Variants in PAG1 observed in about 807,000 individuals in gnomAD.
PAG1 encodes the protein phosphoprotein membrane anchor with glycosphingolipid microdomains 1.
Under a neutral mutation model 31.7 loss-of-function variants are expected in PAG1, and 23 were observed. That is an observed-to-expected ratio of 0.73 (90% CI 0.52 to 1.03). The LOEUF (loss-of-function observed/expected upper bound fraction) is 1.03, where lower values mean the gene tolerates loss of function less well. PAG1 is among the 50% of genes least tolerant of loss of function. PAG1 has a pLI of 0.00. For synonymous variants in PAG1, 214 were observed against 210.3 expected, an observed-to-expected ratio of 1.02 and a Z score of -0.15; for missense variants, 473 against 540.7, an observed-to-expected ratio of 0.87 and a Z score of 1.24.
chr8:81,109,904 G>A (rs1809748340), intron 1 of PAG1, among the ~76,000 whole-genome samples: 1 of 152,112 alleles, frequency 6.6e-6, no homozygotes, highest in Non-Finnish European at 1.5e-5. Flanking sequence ...GCTGCAATAG[G>A]GCTTAATGGG....
intron 3 of PAG1, among the ~76,000 whole-genome samples, chr8:81,023,619 GA>G (rs892629413): frequency 5.9e-5 from 9 of 151,408 alleles, no homozygotes; most frequent in African/African-American, 1.2e-4. Flanking sequence ...GAAAGAGAGA[GA>G]AAAAAAGGGA....
chr8:81,104,072 TC>T (rs201840581), intron 1 of PAG1, among the ~76,000 whole-genome samples: 2,132 of 147,932 alleles, frequency 0.014, 50 homozygotes, highest in African/African-American at 0.049. Flanking sequence ...TTTTATTTCT[TC>T]CCCCCATCCC....
chr8:81,074,051 A>T (rs1033438408), intron 1 of PAG1, among the ~76,000 whole-genome samples: 1 of 152,196 alleles, frequency 6.6e-6, no homozygotes, highest in African/African-American at 2.4e-5. Flanking sequence ...ACGTGCAGAC[A>T]TGTGGGCAGA....
chr8:80,979,108 A>G (rs1466215107), intron 8 of PAG1, among the ~76,000 whole-genome samples: 6 of 152,370 alleles, frequency 3.9e-5, no homozygotes, highest in African/African-American at 1.4e-4. Context: ...CCTAAAATGA[A>G]TGTCTGTGAG....
chr8:81,092,692 C>T (rs534314438), intron 1 of PAG1, among the ~76,000 whole-genome samples: 8 of 152,304 alleles, frequency 5.3e-5, no homozygotes, highest in African/African-American at 1.7e-4. Flanking sequence ...CTTTTCTCCA[C>T]CTCATATAGA....
At chr8:81,013,682 C>T (rs1049451014) in intron 3 of PAG1, among the ~76,000 whole-genome samples, 3 of 152,156 alleles carry the variant, frequency 2.0e-5, no homozygotes, top group South Asian at 4.1e-4. Context: ...CGGGCTCAAG[C>T]GATTCTCCTG....
At chr8:81,003,553 C>T (rs1807824279) in intron 3 of PAG1, among the ~76,000 whole-genome samples, 1 of 152,182 alleles carries the variant, frequency 6.6e-6, no homozygotes, top group Non-Finnish European at 1.5e-5. Flanking sequence ...TGATCGGGTA[C>T]ATTGCTGCTA....
chr8:81,042,134 G>C lies in PAG1; in HGVS notation c.-174-12045C>G, dbSNP rs1482654752. Among the ~76,000 whole-genome samples, 7 of 152,112 alleles carry C rather than the reference G, an allele frequency of 4.6e-5. No individual in the cohort carries two copies. The East Asian group carries it at 1.3e-3, about 29-fold the overall frequency. On this transcript the variant is annotated intron_variant, in intron 2 of 8. Coordinates refer to ENST00000220597, the MANE Select transcript of PAG1 (RefSeq NM_018440.4). Reference sequence around the variant, plus strand: ...GATTTGGGAAGATGAAGTCTGAAAGGTTTAGCTCGAGAGACAAATCCATGG... The same window carrying C: ...GATTTGGGAAGATGAAGTCTGAAAGCTTTAGCTCGAGAGACAAATCCATGG...
chr8:81,013,402 C>T (rs1454396016), intron 3 of PAG1, among the ~76,000 whole-genome samples: 2 of 152,136 alleles, frequency 1.3e-5, no homozygotes, highest in Admixed American at 6.5e-5. Context: ...CCCAGGCCCT[C>T]GGCCTCAGTG....
chr8:81,058,950 T>A (rs1004374926), intron 2 of PAG1, among the ~76,000 whole-genome samples: 3 of 152,168 alleles, frequency 2.0e-5, no homozygotes, highest in African/African-American at 7.2e-5. Flanking sequence ...AACTATTTCT[T>A]TAATAATAAT....
At chr8:81,086,774 A>G (rs1242951661) in intron 1 of PAG1, among the ~76,000 whole-genome samples, 1 of 152,208 alleles carries the variant, frequency 6.6e-6, no homozygotes, top group African/African-American at 2.4e-5. Flanking sequence ...GCCCATAATA[A>G]GATATTATTT....
Position 80,968,976 on chromosome 8 carries a change from G to A in PAG1, c.*7568C>T, listed in dbSNP as rs894166576. On this transcript the variant is annotated 3_prime_UTR_variant, in exon 9 of 9. Transcript: ENST00000220597. The stretch of plus-strand genomic sequence containing the variant: ...TTCGCCCCACTAGAGTCAACTATAC[G>A]GTTGATACTCGAAGCAAATAAAAAG... 1.3e-5 allele frequency: 2 copies of A among 152,104 alleles called. No homozygotes were observed. Among genetic ancestry groups the A allele is most frequent in the Non-Finnish European group, 2.9e-5 (2 of 68,022 alleles). 9.4% of individuals were successfully genotyped at this position (152,104 alleles called of 1,614,324 possible).
intron 3 of PAG1, among the ~76,000 whole-genome samples, chr8:81,012,870 C>T (rs1026593207): frequency 6.6e-6 from 1 of 152,138 alleles, no homozygotes. Flanking sequence ...AATGCAAACT[C>T]GCATTGATCA....
At chr8:81,047,460 C>A (rs562602874) in intron 2 of PAG1, among the ~76,000 whole-genome samples, 1 of 152,250 alleles carries the variant, frequency 6.6e-6, no homozygotes, top group South Asian at 2.1e-4. Flanking sequence ...AGCTTTTTTT[C>A]ATATGTTTGT....
chr8:81,001,780 A>C (rs1234923959), intron 3 of PAG1, among the ~76,000 whole-genome samples: 1 of 152,174 alleles, frequency 6.6e-6, no homozygotes, highest in Non-Finnish European at 1.5e-5. Flanking sequence ...ATTTAGGGTC[A>C]TGCAGCTACA....
At chr8:80,977,009 G>A (rs781758385) in intron 8 of PAG1, 103 bp from the exon 9 acceptor site, 36 of 1,009,508 alleles carry the variant, frequency 3.6e-5, no homozygotes, top group Non-Finnish European at 4.7e-5. Context: ...TTCTGTGTGT[G>A]TACTCCTTAA....
intron 1 of PAG1, among the ~76,000 whole-genome samples, chr8:81,102,251 T>C (rs1289202838): frequency 6.6e-6 from 1 of 152,188 alleles, no homozygotes; most frequent in African/African-American, 2.4e-5. Flanking sequence ...GGACTAAGGC[T>C]ACTACAATGC....
intron 3 of PAG1, among the ~76,000 whole-genome samples, chr8:81,020,365 C>G (rs972172754): frequency 6.6e-6 from 1 of 152,150 alleles, no homozygotes; most frequent in African/African-American, 2.4e-5. Context: ...CCACCCAAAT[C>G]TCATCTTAAA....
rs1808288671 is a variant in PAG1 at position 81,026,783 on chromosome 8, C to A, written c.-81+3213G>T. ...CTGCCAGTTCTGCTGCTGCAGGCAG[C>A]ACCTCCAAGGAGTCCCTGGAGGGAG... On this transcript the variant is annotated intron_variant, in intron 3 of 8. Coordinates refer to ENST00000220597, the MANE Select transcript of PAG1 (RefSeq NM_018440.4). 2.0e-5 allele frequency among the ~76,000 whole-genome samples: 3 copies of A among 152,184 alleles called. No homozygotes were observed. In the South Asian group the frequency reaches 6.2e-4, roughly 31 times the overall value.
Sources: allele counts gnomAD v4.1 joint callset (sites outside exome capture counted in the v4.1 genomes callset), GRCh38; gene constraint gnomAD v4.1.1; transcripts MANE v1.5; gene names NCBI Gene and HGNC (gene_info 2026-07-23, HGNC 2026-07-21).